SCFD2: variants seen among roughly 807,000 people sequenced by gnomAD.
SCFD2 encodes the protein sec1 family domain-containing protein 2.
Under a neutral mutation model 58.9 loss-of-function variants are expected in SCFD2, and 54 were observed. The observed-to-expected ratio is 0.92, with a 90% confidence interval of 0.74 to 1.15. The LOEUF is 1.15. SCFD2 is among the 50% of genes most tolerant of loss of function. The pLI, the probability that SCFD2 is intolerant of heterozygous loss-of-function variation, is 0.00. For synonymous variants in SCFD2, 321 were observed against 335.9 expected, an observed-to-expected ratio of 0.96 and a Z score of 0.49; for missense variants, 805 against 836.6, an observed-to-expected ratio of 0.96 and a Z score of 0.47.
chr4:53,051,158 GA>G (rs1411544974), intron 5 of SCFD2, among the ~76,000 whole-genome samples: 1 of 152,144 alleles, frequency 6.6e-6, no homozygotes, highest in African/African-American at 2.4e-5. Context: ...CATTTATGAA[GA>G]TGTATTGAAC....
chr4:53,060,891 T>C (rs1346998362), intron 5 of SCFD2, among the ~76,000 whole-genome samples: 7 of 152,170 alleles, frequency 4.6e-5, no homozygotes, highest in African/African-American at 1.4e-4. Context: ...TAAAGAGGTC[T>C]AGATGATCAT....
chr4:53,089,787 T>C (rs1724419026), intron 5 of SCFD2, among the ~76,000 whole-genome samples: 2 of 152,310 alleles, frequency 1.3e-5, no homozygotes, highest in South Asian at 2.1e-4. Flanking sequence ...AATTTCTATA[T>C]TCTTAAATTA....
chr4:53,331,409 G>C (rs1482898712), intron 2 of SCFD2, among the ~76,000 whole-genome samples: 1 of 152,162 alleles, frequency 6.6e-6, no homozygotes, highest in Non-Finnish European at 1.5e-5. Flanking sequence ...TCAGACCACA[G>C]TGCAATCAAA....
chr4:53,082,971 GTCTCTCTT>G (rs56228156), intron 5 of SCFD2, among the ~76,000 whole-genome samples: 143,929 of 151,516 alleles, frequency 0.95, 68,803 homozygotes, highest in East Asian at 1. Flanking sequence ...ATAAATATCT[GTCTCTCTT>G]TCTCTCTTTC....
chr4:53,043,835 AATAAT>A (rs1270883653), intron 5 of SCFD2, among the ~76,000 whole-genome samples: 1 of 152,224 alleles, frequency 6.6e-6, no homozygotes, highest in Non-Finnish European at 1.5e-5. Flanking sequence ...ACCTTTAAAA[AATAAT>A]ATATTTCCCA....
intron 5 of SCFD2, among the ~76,000 whole-genome samples, chr4:52,983,176 C>A (rs915047413): frequency 1.4e-4 from 22 of 152,048 alleles, no homozygotes; most frequent in African/African-American, 5.1e-4. Context: ...CAGAGGGGCA[C>A]GATAACTCTT....
chr4:53,168,679 T>C (rs998911842), intron 4 of SCFD2, among the ~76,000 whole-genome samples: 2 of 152,248 alleles, frequency 1.3e-5, no homozygotes, highest in Non-Finnish European at 2.9e-5. Context: ...GATATATGTA[T>C]AGAATGTGAA....
intron 5 of SCFD2, among the ~76,000 whole-genome samples, chr4:53,080,003 T>C (rs1724094251): frequency 6.6e-6 from 1 of 152,192 alleles, no homozygotes; most frequent in Admixed American, 6.5e-5. Context: ...ATTCCTGTTG[T>C]GTAACACATA....
chr4:52,924,488 A>T (rs991044474), intron 5 of SCFD2, among the ~76,000 whole-genome samples: 5 of 152,216 alleles, frequency 3.3e-5, no homozygotes, highest in African/African-American at 1.2e-4. Flanking sequence ...ATCTTGCTGA[A>T]AAATAGTCGA....
In SCFD2 at chr4:53,158,783, C is replaced by T. The variant is rs528841490; in HGVS notation, c.1312-13201G>A. Among the ~76,000 whole-genome samples, 7 of 152,310 alleles carry T rather than the reference C, an allele frequency of 4.6e-5. No homozygotes were observed. In the East Asian group the frequency reaches 5.8e-4, roughly 13 times the overall value. ...ATTAACTGCTTAGCCTCAACAGTCA[C>T]GACTTCTTTTCTGACAGATTACAAT... On this transcript the variant is annotated intron_variant, in intron 4 of 8. Coordinates refer to ENST00000401642, the MANE Select transcript of SCFD2 (RefSeq NM_152540.4).
intron 2 of SCFD2, among the ~76,000 whole-genome samples, chr4:53,329,990 T>A (rs1280239024): frequency 6.6e-6 from 1 of 151,530 alleles, no homozygotes; most frequent in Non-Finnish European, 1.5e-5. Flanking sequence ...GAAGAAAGGG[T>A]ATCAGCGATG....
intron 5 of SCFD2, among the ~76,000 whole-genome samples, chr4:52,997,510 G>A (rs143819723): frequency 2.2e-3 from 330 of 152,330 alleles, no homozygotes; most frequent in Non-Finnish European, 3.4e-3. Flanking sequence ...TAGAACCAGG[G>A]GATGGGAGCT....
At chr4:52,999,711 G>A (rs997378509) in intron 5 of SCFD2, among the ~76,000 whole-genome samples, 1 of 152,100 alleles carries the variant, frequency 6.6e-6, no homozygotes, top group African/African-American at 2.4e-5. Context: ...TACACTTTTT[G>A]CCTGCTTCTT....
chr4:53,037,248 T>C (rs1722787264), intron 5 of SCFD2, among the ~76,000 whole-genome samples: 1 of 152,128 alleles, frequency 6.6e-6, no homozygotes, highest in Non-Finnish European at 1.5e-5. Context: ...GAAAAGCAAG[T>C]TGTAGAAGTT....
intron 3 of SCFD2, among the ~76,000 whole-genome samples, chr4:53,298,429 G>C (rs529450759): frequency 1.3e-3 from 199 of 152,318 alleles, no homozygotes; most frequent in African/African-American, 4.4e-3. Context: ...GGCTTGAGTA[G>C]GTAAACAAAG....
At chr4:53,268,923 A>T (rs1211780128) in intron 4 of SCFD2, among the ~76,000 whole-genome samples, 1 of 152,148 alleles carries the variant, frequency 6.6e-6, no homozygotes, top group Non-Finnish European at 1.5e-5. Context: ...AAGTAATTAA[A>T]TATGTCAAGG....
At chr4:53,071,292 A>G (rs1451623987) in intron 5 of SCFD2, among the ~76,000 whole-genome samples, 1 of 152,106 alleles carries the variant, frequency 6.6e-6, no homozygotes, top group Non-Finnish European at 1.5e-5. Context: ...AAATGAACTT[A>G]TATTTTATTA....
chr4:53,242,940 G>C (rs937198024), intron 4 of SCFD2, among the ~76,000 whole-genome samples: 5 of 152,034 alleles, frequency 3.3e-5, no homozygotes, highest in African/African-American at 1.2e-4. Context: ...AAACCAAAAA[G>C]AATGAAAAAA....
chr4:53,133,663 T>C (rs1483500134), intron 5 of SCFD2, among the ~76,000 whole-genome samples: 2 of 152,226 alleles, frequency 1.3e-5, no homozygotes, highest in Non-Finnish European at 2.9e-5. Context: ...TGTTTTACTA[T>C]GGATAAGAAT....
Sources: allele counts gnomAD v4.1 joint callset (sites outside exome capture counted in the v4.1 genomes callset), GRCh38; gene constraint gnomAD v4.1.1; transcripts MANE v1.5; gene names NCBI Gene and HGNC (gene_info 2026-07-23, HGNC 2026-07-21).